The following DPYSL2 variants were observed in gnomAD, a reference collection of about 807,000 sequenced individuals.
DPYSL2 encodes the protein dihydropyrimidinase-related protein 2.
Under a neutral mutation model 69.9 loss-of-function variants are expected in DPYSL2, and 13 were observed. The ratio of observed to expected loss-of-function variants is 0.19; its 90% CI spans 0.12 to 0.30. The LOEUF (loss-of-function observed/expected upper bound fraction) is 0.30. Among genes scored for constraint, DPYSL2 ranks in the 10% least tolerant of loss-of-function variants. DPYSL2 has a pLI of 1.00. For synonymous variants in DPYSL2, 326 were observed against 359.1 expected (o/e 0.91, Z 1.04); for missense variants, 587 against 918.9 (o/e 0.64, Z 4.67).
chr8:26,636,180 C>T (rs1312445212), intron 8 of DPYSL2, among the ~76,000 whole-genome samples: 1 of 152,228 alleles, frequency 6.6e-6, no homozygotes, highest in African/African-American at 2.4e-5. Context: ...AAAGCATTCA[C>T]CTAAAATAAT....
intron 3 of DPYSL2, among the ~76,000 whole-genome samples, chr8:26,602,823 T>G (rs1802021600): frequency 6.6e-6 from 1 of 152,246 alleles, no homozygotes; most frequent in African/African-American, 2.4e-5. Flanking sequence ...ATGTGAAGAT[T>G]GCTGTACTAA....
intron 1 of DPYSL2, among the ~76,000 whole-genome samples, chr8:26,548,835 G>A (rs1440705687): frequency 5.9e-5 from 9 of 151,844 alleles, no homozygotes; most frequent in East Asian, 3.9e-4. Context: ...CTGTGATTGC[G>A]CCACTGCATT....
chr8:26,589,562 C>G (rs970886332), intron 3 of DPYSL2, among the ~76,000 whole-genome samples: 3 of 152,170 alleles, frequency 2.0e-5, no homozygotes, highest in Non-Finnish European at 2.9e-5. Flanking sequence ...TTTAGGTATC[C>G]GACGTGGACT....
chr8:26,592,296 G>A (rs1202895163), intron 3 of DPYSL2, among the ~76,000 whole-genome samples: 1 of 152,092 alleles, frequency 6.6e-6, no homozygotes, highest in Non-Finnish European at 1.5e-5. Context: ...GGGACTGTAG[G>A]TGTGCACCAC....
In DPYSL2 at chr8:26,583,999, A is replaced by G. The variant is rs748331631; in HGVS notation, c.628+16A>G. ...ACTATGATCAGTAAGAAGCTTAAAAATCATCATTGTAGTGCTTAGGAAGTG... is the reference window on the plus strand; with the variant it reads ...ACTATGATCAGTAAGAAGCTTAAAAGTCATCATTGTAGTGCTTAGGAAGTG... On this transcript the variant is annotated intron_variant, in intron 3 of 13. Coordinates refer to ENST00000521913, the MANE Select transcript of DPYSL2 (RefSeq NM_001197293.3). 1 of 1,611,544 alleles carries G rather than the reference A, an allele frequency of 6.2e-7. No homozygotes were observed. The highest frequency in any genetic ancestry group is 1.7e-5 in the Admixed American group (1 of 59,498).
intron 3 of DPYSL2, among the ~76,000 whole-genome samples, chr8:26,590,899 A>G (rs900087230): frequency 1.9e-4 from 29 of 152,240 alleles, no homozygotes; most frequent in African/African-American, 6.8e-4. Context: ...CTAGCCAGGT[A>G]GGCTGGGTAG....
intron 1 of DPYSL2, among the ~76,000 whole-genome samples, chr8:26,526,033 T>C (rs1292034901): frequency 2.0e-5 from 3 of 152,216 alleles, no homozygotes; most frequent in Non-Finnish European, 2.9e-5. Context: ...TTTGTTACTA[T>C]AGTGAACGGG....
chr8:26,603,621 C>A lies in DPYSL2; in HGVS notation c.628+19638C>A, dbSNP rs987774777. 3.3e-5 allele frequency among the ~76,000 whole-genome samples: 5 copies of A among 152,208 alleles called. 1 individual carries two copies. The highest frequency in any genetic ancestry group is 3.3e-4 in the Admixed American group (5 of 15,284). On this transcript the variant is annotated intron_variant, in intron 3 of 13. Transcript: ENST00000521913. Reference sequence around the variant, plus strand: ...TCCAGAACTTTATCATCATCCCTAACTGATCATCATCCCTAAACTGTTGCC... The same window carrying A: ...TCCAGAACTTTATCATCATCCCTAAATGATCATCATCCCTAAACTGTTGCC...
intron 1 of DPYSL2, chr8:26,578,164 A>G: frequency 6.2e-7 from 1 of 1,602,668 alleles, no homozygotes; most frequent in East Asian, 2.2e-5. Flanking sequence ...AAGGAAAAAA[A>G]CAAAACAAAA....
In DPYSL2 at chr8:26,593,030, G is replaced by A. The variant is rs1801777899; in HGVS notation, c.628+9047G>A. On this transcript the variant is annotated intron_variant, in intron 3 of 13. Coordinates refer to ENST00000521913, the MANE Select transcript of DPYSL2 (RefSeq NM_001197293.3). This position sits in a 1 kb window ranked among gnomAD's most constrained non-coding sequence, Gnocchi z 5.7. ...CATTTGCTTAAATTCCTTGCTTTTA[G>A]AGCGTCTTAACTGCCATGGTAATGA... Among the ~76,000 whole-genome samples the A allele has an allele frequency of 6.6e-6, 1 of 152,142 alleles. No individual in the cohort carries two copies. Among genetic ancestry groups the A allele is most frequent in the African/African-American group, 2.4e-5 (1 of 41,428 alleles).
Position 26,650,577 on chromosome 8 carries a change from C to T in DPYSL2, c.1597-1680C>T, listed in dbSNP as rs189975838. Among the ~76,000 whole-genome samples the T allele has an allele frequency of 1.3e-5, 2 of 152,262 alleles. No individual in the cohort carries two copies. Among genetic ancestry groups the T allele is most frequent in the Non-Finnish European group, 1.5e-5 (1 of 68,032 alleles). ...GAGTCACACAACTTCTGGATTTTAC[C>T]GTATCTGAGATGCCATCGATTTTAA... On this transcript the variant is annotated intron_variant, in intron 11 of 13. Coordinates refer to ENST00000521913, the MANE Select transcript of DPYSL2 (RefSeq NM_001197293.3). This position sits in a 1 kb window ranked among gnomAD's most constrained non-coding sequence, Gnocchi z 5.3.
rs955004144 is a variant in DPYSL2, at chr8:26,627,478, C to T, written c.936+183C>T. On this transcript the variant is annotated intron_variant, in intron 6 of 13. Transcript: ENST00000521913. The surrounding 1 kb of genome is among the most constrained non-coding windows in gnomAD (Gnocchi z 6.9). Reference sequence around the variant, plus strand: ...AATGCCAGTGACACACGTGCCTCTCCGTGTGTGCCACAGAACATCTAAGTC... The same window carrying T: ...AATGCCAGTGACACACGTGCCTCTCTGTGTGTGCCACAGAACATCTAAGTC... 6.6e-5 allele frequency among the ~76,000 whole-genome samples: 10 copies of T among 152,136 alleles called. No individual in the cohort carries two copies. The highest frequency in any genetic ancestry group is 5.2e-4 in the Admixed American group (8 of 15,274).
At chr8:26,629,270 AC>A (rs1802684048) in intron 7 of DPYSL2, among the ~76,000 whole-genome samples, 4 of 152,140 alleles carry the variant, frequency 2.6e-5, no homozygotes, top group Non-Finnish European at 4.4e-5. Flanking sequence ...ACACACAGAC[AC>A]ATAGACACAC....
chr8:26,567,425 C>CATCT (rs1186337960), intron 1 of DPYSL2, among the ~76,000 whole-genome samples: 4 of 152,228 alleles, frequency 2.6e-5, no homozygotes, highest in African/African-American at 9.6e-5. Flanking sequence ...ACTATCCATC[C>CATCT]ATCCATCCAT....
chr8:26,604,817 A>G (rs1429449148), intron 3 of DPYSL2, among the ~76,000 whole-genome samples: 1 of 151,838 alleles, frequency 6.6e-6, no homozygotes, highest in Non-Finnish European at 1.5e-5. Context: ...ACATGCCACC[A>G]CACCTGGCTA....
At chr8:26,596,575 G>A (rs1253731209) in intron 3 of DPYSL2, among the ~76,000 whole-genome samples, 5 of 152,232 alleles carry the variant, frequency 3.3e-5, no homozygotes, top group Non-Finnish European at 7.3e-5. Context: ...TGAGGAGTTT[G>A]GAGGGAGCAG....
chr8:26,600,819 G>A (rs1801974811), intron 3 of DPYSL2, among the ~76,000 whole-genome samples: 2 of 152,170 alleles, frequency 1.3e-5, no homozygotes, highest in African/African-American at 4.8e-5. Context: ...GCCTGGCACC[G>A]CTCCTCGAGA....
chr8:26,645,593 A>T (rs1249603221), intron 10 of DPYSL2, among the ~76,000 whole-genome samples: 1 of 152,052 alleles, frequency 6.6e-6, no homozygotes, highest in East Asian at 1.9e-4. Context: ...ATGGAGTCTC[A>T]CTCTGGAGTG....
chr8:26,635,638 T>C (rs954276263), intron 8 of DPYSL2, among the ~76,000 whole-genome samples: 1 of 152,180 alleles, frequency 6.6e-6, no homozygotes, highest in Non-Finnish European at 1.5e-5. Flanking sequence ...ATTTTGATGG[T>C]GGATCTTAGG....
Sources: gnomAD v4.1 joint callset for allele counts (sites outside exome capture counted in the v4.1 genomes callset) on GRCh38, gnomAD v4.1.1 for gene constraint, Gnocchi (gnomAD v3.1) non-coding constraint, MANE v1.5 for transcripts, NCBI Gene and HGNC (gene_info 2026-07-23, HGNC 2026-07-21) for gene names.